Variants in THSD4 observed in about 807,000 individuals in gnomAD.
THSD4 encodes the protein thrombospondin type-1 domain-containing protein 4.
THSD4 carries 69 observed loss-of-function variants against 119.0 expected under a neutral mutation model. That is an observed-to-expected ratio of 0.58 (90% CI 0.48 to 0.71). The LOEUF (loss-of-function observed/expected upper bound fraction) is 0.71. Among genes scored for constraint, THSD4 ranks in the 30% least tolerant of loss-of-function variants. THSD4 has a pLI of 0.00. For synonymous variants in THSD4, 524 were observed against 540.4 expected (o/e 0.97, Z 0.42); for missense variants, 1,393 against 1,391.1 (o/e 1.00, Z -0.02).
chr15:71,777,508 C>A lies in THSD4; in HGVS notation c.*134C>A. ...CAACCAACTTAGTCACCACCCCTGC[C>A]TCCGGTGAATGCACCCCGTGGTACC... On this transcript the variant is annotated 3_prime_UTR_variant, in exon 18 of 18. Coordinates refer to ENST00000261862, the MANE Select transcript of THSD4 (RefSeq NM_024817.3). 7.9e-7 allele frequency: 1 copy of A among 1,269,540 alleles called. No homozygotes were observed. Among genetic ancestry groups the A allele is most frequent in the Non-Finnish European group, 1.1e-6 (1 of 937,774 alleles). The allele number at this position is 1,269,540 out of a possible 1,614,324, so 78.6% of individuals were successfully genotyped here.
chr15:71,706,780 C>T lies in THSD4; in HGVS notation c.1358-21769C>T, dbSNP rs565155385. On this transcript the variant is annotated intron_variant, in intron 8 of 17. Transcript: ENST00000261862. ...TGCATCTAGCAGCTACAACATCTCG[C>T]ATGACCTTTGCAGGTGCGAGGCAGC... Among the ~76,000 whole-genome samples, 3 of 152,302 alleles carry T rather than the reference C, an allele frequency of 2.0e-5. No individual in the cohort carries two copies. In the South Asian group the frequency reaches 6.2e-4, roughly 32 times the overall value.
intron 3 of THSD4, chr15:71,188,973 C>T (rs770865599): frequency 2.0e-5 from 3 of 152,736 alleles, no homozygotes; most frequent in Middle Eastern, 3.4e-3. Context: ...ATGTGCACAG[C>T]GGAGAGATTC....
rs185805979 is a variant in THSD4 at position 71,288,065 on chromosome 15, T to C, written c.1015+31350T>C. 6.6e-5 allele frequency among the ~76,000 whole-genome samples: 10 copies of C among 152,336 alleles called. No homozygotes were observed. The East Asian group carries it at 1.9e-3, about 29-fold the overall frequency. Reference sequence around the variant, plus strand: ...ACTGGGTGATATTTTATACTGCAGATGTTCTAGTTTGCACCTGATGAAACA... The same window carrying C: ...ACTGGGTGATATTTTATACTGCAGACGTTCTAGTTTGCACCTGATGAAACA... On this transcript the variant is annotated intron_variant, in intron 6 of 17. Transcript: ENST00000261862.
intron 7 of THSD4, among the ~76,000 whole-genome samples, chr15:71,523,479 C>T (rs1225354440): frequency 6.6e-6 from 1 of 152,176 alleles, no homozygotes; most frequent in African/African-American, 2.4e-5. Flanking sequence ...CTGCAAAGAC[C>T]CTTTTTCCAA....
rs553900734 is a variant in THSD4 at position 71,544,348 on chromosome 15, G to C, written c.1153-116182G>C. On this transcript the variant is annotated intron_variant, in intron 7 of 17. Transcript: ENST00000261862. ...TTTAAAAGTTTTTAAAATAATTTTA[G>C]TAATACTGGGCTCATAGTGCTCAAC... Among the ~76,000 whole-genome samples, 28 of 152,258 alleles carry C rather than the reference G, an allele frequency of 1.8e-4. No homozygotes were observed. The South Asian group carries it at 5.6e-3, about 30-fold the overall frequency.
chr15:71,151,645 CAA>C (rs1399479342), intron 2 of THSD4, among the ~76,000 whole-genome samples: 1 of 152,170 alleles, frequency 6.6e-6, no homozygotes. Context: ...ATTTAGAGGT[CAA>C]ATTGGATCCA....
At chr15:71,332,719 T>C (rs1277578759) in intron 6 of THSD4, among the ~76,000 whole-genome samples, 1 of 152,010 alleles carries the variant, frequency 6.6e-6, no homozygotes, top group Non-Finnish European at 1.5e-5. Context: ...TTGCCATACC[T>C]AGAATTATGC....
At chr15:71,616,139 C>T (rs1270020176) in intron 7 of THSD4, among the ~76,000 whole-genome samples, 1 of 152,076 alleles carries the variant, frequency 6.6e-6, no homozygotes, top group Non-Finnish European at 1.5e-5. Context: ...GAAACCACAT[C>T]TAAGCTTGAT....
intron 7 of THSD4, among the ~76,000 whole-genome samples, chr15:71,447,578 C>T (rs1401091645): frequency 1.3e-5 from 2 of 152,172 alleles, no homozygotes; most frequent in African/African-American, 4.8e-5. Context: ...ACAAGTGCCT[C>T]GAGGTAGGAC....
At chr15:71,240,155 C>T (rs2140272245) in intron 4 of THSD4, among the ~76,000 whole-genome samples, 1 of 152,280 alleles carries the variant, frequency 6.6e-6, no homozygotes, top group South Asian at 2.1e-4. Context: ...CCCCCTCAGG[C>T]CTTTGGGAAG....
At chr15:71,392,511 C>T (rs2046391099) in intron 6 of THSD4, among the ~76,000 whole-genome samples, 1 of 152,206 alleles carries the variant, frequency 6.6e-6, no homozygotes, top group Non-Finnish European at 1.5e-5. Context: ...TCCTCTTTCT[C>T]TTTTACTTGT....
rs557913230 is a variant in THSD4 at position 71,601,334 on chromosome 15, G to GA, written c.1153-59194dup. Among the ~76,000 whole-genome samples the GA allele has an allele frequency of 7.2e-5, 11 of 152,264 alleles. No homozygotes were observed. In the South Asian group the frequency reaches 2.3e-3, roughly 32 times the overall value. On this transcript the variant is annotated intron_variant, in intron 7 of 17. Coordinates refer to ENST00000261862, the MANE Select transcript of THSD4 (RefSeq NM_024817.3). ...GCATTTATGAAATCAGCCTAGAATG[G>GA]AAGCCTTTAGCAGCTAGAGAAAGCA...
intron 6 of THSD4, among the ~76,000 whole-genome samples, chr15:71,325,504 A>G (rs970824751): frequency 6.6e-6 from 1 of 152,188 alleles, no homozygotes; most frequent in Non-Finnish European, 1.5e-5. Flanking sequence ...AAAAGGATGC[A>G]AGGAACCTGG....
At chr15:71,148,678 G>T (rs961779678) in intron 2 of THSD4, among the ~76,000 whole-genome samples, 2 of 152,180 alleles carry the variant, frequency 1.3e-5, no homozygotes, top group South Asian at 2.1e-4. Context: ...AAGCCACCAG[G>T]CTTCCCCACC....
intron 1 of THSD4, among the ~76,000 whole-genome samples, chr15:71,125,713 G>T (rs901061675): frequency 6.6e-6 from 1 of 152,232 alleles, no homozygotes; most frequent in African/African-American, 2.4e-5. Context: ...AGGCCTGCTG[G>T]CTGCTCCTGG....
At chr15:71,141,381 G>T in intron 1 of THSD4, 68 bp from the exon 2 acceptor site, 1 of 834,152 alleles carries the variant, frequency 1.2e-6, no homozygotes, top group South Asian at 2.1e-5. Context: ...TGGTTTTGTT[G>T]ACCGAGTTAC....
chr15:71,765,258 C>T, intron 16 of THSD4, 59 bp downstream of exon 16: 1 of 1,542,834 alleles, frequency 6.5e-7, no homozygotes, highest in Non-Finnish European at 8.7e-7. Context: ...ACCTGAACTC[C>T]TATAGACCCC....
chr15:71,534,537 ATTTTTG>A (rs2140823289), intron 7 of THSD4, among the ~76,000 whole-genome samples: 1 of 152,322 alleles, frequency 6.6e-6, no homozygotes, highest in East Asian at 1.9e-4. Context: ...AATGAGAATA[ATTTTTG>A]TTTTGTTACT....
At chr15:71,673,671 G>T (rs1171291655) in intron 8 of THSD4, among the ~76,000 whole-genome samples, 1 of 152,206 alleles carries the variant, frequency 6.6e-6, no homozygotes, top group African/African-American at 2.4e-5. Flanking sequence ...ATGTGTCCCA[G>T]AGATTCTGGT....
Sources: allele counts gnomAD v4.1 joint callset (sites outside exome capture counted in the v4.1 genomes callset), GRCh38; gene constraint gnomAD v4.1.1; transcripts MANE v1.5; gene names NCBI Gene and HGNC (gene_info 2026-07-23, HGNC 2026-07-21).